Variants in RIGI observed in about 807,000 individuals in gnomAD.
RIGI encodes antiviral innate immune response receptor RIG-I.
At chr9:32,491,456 TA>T in the RIGI span, 7 of 1,527,778 alleles carry the variant, frequency 4.6e-6, no homozygotes, top group South Asian at 7.3e-5. Context: ...AATCTTCACA[TA>T]ATCTGATTAT....
chr9:32,466,194 ACACT>A, the RIGI span: 32 of 1,287,334 alleles, frequency 2.5e-5, no homozygotes, highest in Non-Finnish European at 3.3e-5. Flanking sequence ...TTGTAATATA[ACACT>A]CTAAGCAATA....
the RIGI span, among the ~76,000 whole-genome samples, chr9:32,498,123 A>G: frequency 5.9e-5 from 9 of 152,164 alleles, no homozygotes; most frequent in Non-Finnish European, 8.8e-5. Context: ...CCAACCAACC[A>G]GCACTTCTTC....
the RIGI span, chr9:32,456,963 T>C: frequency 1.6e-6 from 1 of 612,020 alleles, no homozygotes; most frequent in Non-Finnish European, 2.8e-6. Flanking sequence ...ATTCACTCAT[T>C]TGTGCTTTGC....
chr9:32,507,164 C>T, the RIGI span, among the ~76,000 whole-genome samples: 1 of 152,054 alleles, frequency 6.6e-6, no homozygotes, highest in Non-Finnish European at 1.5e-5. Context: ...TCTGATTTTA[C>T]AAATGAGGAA....
chr9:32,485,190 T>C, the RIGI span: 30 of 1,601,578 alleles, frequency 1.9e-5, no homozygotes, highest in Non-Finnish European at 2.5e-5. Flanking sequence ...TCTTTGCAGA[T>C]TCTCTTTGCC....
chr9:32,492,692 C>T, the RIGI span, among the ~76,000 whole-genome samples: 2 of 152,192 alleles, frequency 1.3e-5, no homozygotes, highest in Non-Finnish European at 2.9e-5. Context: ...TTTGCCCCAT[C>T]CAACACAGTC....
the RIGI span, chr9:32,457,287 A>G: frequency 1.2e-6 from 2 of 1,614,162 alleles, 1 homozygote; most frequent in South Asian, 2.2e-5. Context: ...TTCCCCAGTC[A>G]TGGCTGCAGT....
At chr9:32,509,094 C>T in the RIGI span, among the ~76,000 whole-genome samples, 1 of 152,162 alleles carries the variant, frequency 6.6e-6, no homozygotes, top group African/African-American at 2.4e-5. Flanking sequence ...AAGCCAGCAG[C>T]CCCACTCAGG....
At chr9:32,526,055 ACT>A in the RIGI span, 338 of 1,608,572 alleles carry the variant, frequency 2.1e-4, 3 homozygotes, top group Non-Finnish European at 5.2e-5. Flanking sequence ...CGCTGGAGAC[ACT>A]CACCCTCCCT....
At chr9:32,456,423 C>T in the RIGI span, 1 of 152,014 alleles carries the variant, frequency 6.6e-6, no homozygotes, top group Non-Finnish European at 1.5e-5. Flanking sequence ...TGTAGCCATA[C>T]CACACGTTGC....
At chr9:32,512,526 T>C in the RIGI span, among the ~76,000 whole-genome samples, 39 of 152,216 alleles carry the variant, frequency 2.6e-4, no homozygotes, top group Non-Finnish European at 4.3e-4. Context: ...CAGCCCTTCA[T>C]GCTAAAAACT....
chr9:32,481,405 T>C, the RIGI span: 2 of 1,613,906 alleles, frequency 1.2e-6, no homozygotes, highest in South Asian at 1.1e-5. Flanking sequence ...TTGTCTGGCA[T>C]CTGGAACACC....
the RIGI span, among the ~76,000 whole-genome samples, chr9:32,508,588 C>A: frequency 1.3e-5 from 2 of 151,980 alleles, no homozygotes; most frequent in South Asian, 2.1e-4. Context: ...GCTTTTCCCC[C>A]CAAGTCTTCG....
the RIGI span, among the ~76,000 whole-genome samples, chr9:32,509,756 T>C: frequency 5.3e-5 from 8 of 151,902 alleles, no homozygotes; most frequent in South Asian, 2.1e-4. Flanking sequence ...TTGACAGAAG[T>C]AGGCTTCAGA....
the RIGI span, among the ~76,000 whole-genome samples, chr9:32,515,720 C>G: frequency 6.6e-6 from 1 of 152,194 alleles, no homozygotes; most frequent in East Asian, 1.9e-4. Context: ...TACCTTCATC[C>G]CTATTCCACA....
the RIGI span, chr9:32,455,644 A>T: frequency 2.0e-5 from 3 of 152,284 alleles, no homozygotes; most frequent in East Asian, 5.8e-4. Context: ...AAAAAATCAC[A>T]TAAGAAAAGA....
chr9:32,513,247 G>C, the RIGI span, among the ~76,000 whole-genome samples: 1 of 152,110 alleles, frequency 6.6e-6, no homozygotes, highest in Admixed American at 6.5e-5. Flanking sequence ...AACCAAAAAA[G>C]AGCCCACATA....
chr9:32,458,952 C>T, the RIGI span, among the ~76,000 whole-genome samples: 1,546 of 144,486 alleles, frequency 0.011, 40 homozygotes, highest in African/African-American at 0.036. Context: ...CGCAGTGGCG[C>T]GATATCAGCT....
the RIGI span, chr9:32,491,421 C>A: frequency 2.5e-6 from 4 of 1,594,306 alleles, no homozygotes; most frequent in African/African-American, 4.1e-5. Flanking sequence ...TCTTTTATAC[C>A]TTTTTAAGAC....
Sources: allele counts gnomAD v4.1 joint callset (sites outside exome capture counted in the v4.1 genomes callset), GRCh38; gene constraint gnomAD v4.1.1; transcripts MANE v1.5; gene names NCBI Gene and HGNC (gene_info 2026-07-23, HGNC 2026-07-21).